Variants in RPGRIP1L observed in about 807,000 individuals in gnomAD.
RPGRIP1L encodes the protein protein fantom.
In RPGRIP1L, 131 loss-of-function variants were observed where a neutral mutation model predicts 160.4. The ratio of observed to expected loss-of-function variants is 0.82; its 90% CI spans 0.71 to 0.94. The LOEUF (loss-of-function observed/expected upper bound fraction) is 0.94. Ranked by LOEUF, RPGRIP1L falls within the 40% of genes least tolerant of loss-of-function variation. RPGRIP1L has a pLI of 0.00. For missense variants in RPGRIP1L, 1,522 were observed against 1,535.8 expected (o/e 0.99, Z 0.15); for synonymous variants, 510 against 515.8 (o/e 0.99, Z 0.15).
chr16:53,614,449 T>C (rs986374520), intron 24 of RPGRIP1L, among the ~76,000 whole-genome samples: 7 of 152,264 alleles, frequency 4.6e-5, no homozygotes, highest in Admixed American at 3.3e-4. Flanking sequence ...AATTCTAACA[T>C]GTTTCCAGTT....
intron 24 of RPGRIP1L, among the ~76,000 whole-genome samples, chr16:53,617,073 C>CAAAAAA (rs397945611): frequency 1.4e-4 from 3 of 21,848 alleles, no homozygotes; most frequent in African/African-American, 3.6e-4. Flanking sequence ...CCTTGCATCA[C>CAAAAAA]AAAAAAAAAA....
At chr16:53,695,847 T>C in intron 3 of RPGRIP1L, 2 of 324,206 alleles carry the variant, frequency 6.2e-6, no homozygotes, top group Non-Finnish European at 1.1e-5. Flanking sequence ...AAACAGATGC[T>C]TTGGCCATTT....
At chr16:53,604,044 T>A (rs111505899) in intron 26 of RPGRIP1L, among the ~76,000 whole-genome samples, 2 of 152,252 alleles carry the variant, frequency 1.3e-5, no homozygotes, top group East Asian at 3.9e-4. Context: ...AAAGCAAAGA[T>A]AATTTTGGTA....
chr16:53,628,691 C>G (rs902307967), intron 22 of RPGRIP1L: 1 of 152,096 alleles, frequency 6.6e-6, no homozygotes, highest in African/African-American at 2.4e-5. Flanking sequence ...AAAAGAAAAC[C>G]ACCCAGTTTT....
intron 4 of RPGRIP1L, 68 bp from the exon 5 acceptor site, chr16:53,688,033 T>C (rs959300472): frequency 1.1e-6 from 1 of 932,912 alleles, no homozygotes; most frequent in Non-Finnish European, 1.8e-6. Context: ...TGATTTGCTA[T>C]AATAAGGATA....
At chr16:53,619,682 G>C (rs957219116) in intron 23 of RPGRIP1L, among the ~76,000 whole-genome samples, 13 of 152,174 alleles carry the variant, frequency 8.5e-5, no homozygotes, top group African/African-American at 2.7e-4. Context: ...GTAGCTATAT[G>C]AATCAATATT....
At chr16:53,681,284 C>T (rs1232713656) in intron 6 of RPGRIP1L, among the ~76,000 whole-genome samples, 1 of 152,074 alleles carries the variant, frequency 6.6e-6, no homozygotes, top group Non-Finnish European at 1.5e-5. Context: ...GGTAAACACC[C>T]TAACATTTAT....
At chr16:53,698,324 G>A (rs1394870908) in intron 2 of RPGRIP1L, among the ~76,000 whole-genome samples, 1 of 143,512 alleles carries the variant, frequency 7.0e-6, no homozygotes, top group Non-Finnish European at 1.5e-5. Context: ...AGGTGGGGGG[G>A]TCAGCCCCCC....
chr16:53,676,096 C>G (rs1461888354), intron 6 of RPGRIP1L, among the ~76,000 whole-genome samples: 3 of 152,076 alleles, frequency 2.0e-5, no homozygotes, highest in Non-Finnish European at 1.5e-5. Flanking sequence ...TAATGCCCTA[C>G]TGGAACCAGA....
chr16:53,630,623 T>C (rs1965459213), intron 22 of RPGRIP1L, among the ~76,000 whole-genome samples: 1 of 152,160 alleles, frequency 6.6e-6, no homozygotes, highest in South Asian at 2.1e-4. Flanking sequence ...AAAATGTTGA[T>C]GGTATATTAG....
chr16:53,608,522 G>A (rs190233772), intron 25 of RPGRIP1L, among the ~76,000 whole-genome samples: 13 of 152,152 alleles, frequency 8.5e-5, no homozygotes, highest in African/African-American at 2.9e-4. Flanking sequence ...CTGTTTGAAG[G>A]CACATTTCAA....
Position 53,648,244 on chromosome 16 carries a change from C to T in RPGRIP1L, c.2304+720G>A, listed in dbSNP as rs78829927. Reference sequence around the variant, plus strand: ...TAATATGAAAATATGGTCATTAAGACTCCATGAAACATTGGGAAATGCCAC... The same window carrying T: ...TAATATGAAAATATGGTCATTAAGATTCCATGAAACATTGGGAAATGCCAC... On this transcript the variant is annotated intron_variant, in intron 16 of 26. Coordinates refer to ENST00000647211, the MANE Select transcript of RPGRIP1L (RefSeq NM_015272.5). Among the ~76,000 whole-genome samples the T allele has an allele frequency of 1.8e-3, 275 of 151,720 alleles. 1 individual carries two copies. The highest frequency in any genetic ancestry group is 6.2e-3 in the African/African-American group (258 of 41,420).
At chr16:53,695,913 C>A in intron 3 of RPGRIP1L, 1 of 454,794 alleles carries the variant, frequency 2.2e-6, no homozygotes, top group Non-Finnish European at 4.0e-6. Context: ...GATATACTAA[C>A]GGCACTCTAT....
rs1297342507 is a variant in RPGRIP1L, at chr16:53,598,771, AG to A, written c.*3304del. On this transcript the variant is annotated 3_prime_UTR_variant, in exon 27 of 27. Transcript: ENST00000647211. ...AGGTAGTCAGAGGCCTTCAGGCATG[AG>A]TGACTTATTAAAATGTACTCTGATA... The A allele has an allele frequency of 2.0e-5, 3 of 152,316 alleles. No individual in the cohort carries two copies. The highest frequency in any genetic ancestry group is 2.0e-4 in the Admixed American group (3 of 15,290). 9.4% of individuals were successfully genotyped at this position (152,316 alleles called of 1,614,324 possible).
chr16:53,696,372 C>G, intron 2 of RPGRIP1L, 77 bp from the exon 3 acceptor site: 1 of 1,442,472 alleles, frequency 6.9e-7, no homozygotes, highest in Non-Finnish European at 9.7e-7. Flanking sequence ...AATATAATCT[C>G]TGATGCACTC....
chr16:53,665,044 G>A (rs1384692893), intron 9 of RPGRIP1L, 35 bp from the exon 10 acceptor site: 5 of 1,612,122 alleles, frequency 3.1e-6, no homozygotes, highest in South Asian at 1.1e-5. Flanking sequence ...GGAAAGCTTG[G>A]AAATCAGCTT....
In RPGRIP1L at chr16:53,600,286, G is replaced by C. The variant is rs1480564544; in HGVS notation, c.*1790C>G. 1 of 152,516 alleles carries C rather than the reference G, an allele frequency of 6.6e-6. No homozygotes were observed. Among genetic ancestry groups the C allele is most frequent in the Non-Finnish European group, 1.5e-5 (1 of 68,030 alleles). The allele number at this position is 152,516 out of a possible 1,614,324, so 9.4% of individuals were successfully genotyped here. On this transcript the variant is annotated 3_prime_UTR_variant, in exon 27 of 27. Coordinates refer to ENST00000647211, the MANE Select transcript of RPGRIP1L (RefSeq NM_015272.5). ...AAAGCCAAAGAAAGCTAGAAAAAGGGGCCAAAAAAATGAGCTCAGAGCCAG... is the reference window on the plus strand; with the variant it reads ...AAAGCCAAAGAAAGCTAGAAAAAGGCGCCAAAAAAATGAGCTCAGAGCCAG...
At chr16:53,667,093 T>C (rs1392648165) in intron 9 of RPGRIP1L, among the ~76,000 whole-genome samples, 1 of 152,208 alleles carries the variant, frequency 6.6e-6, no homozygotes, top group Admixed American at 6.5e-5. Context: ...GAGAACTTTT[T>C]ATTCATGAAA....
At chr16:53,612,129 AGGCGGGAGAGACATAAAGGT>A (rs550916197) in intron 24 of RPGRIP1L, among the ~76,000 whole-genome samples, 1 of 152,272 alleles carries the variant, frequency 6.6e-6, no homozygotes, top group East Asian at 1.9e-4. Context: ...AGTAGGCACA[AGGCGGGAGAGACATAAAGGT>A]GGCGGGAGAG....
Sources: allele counts gnomAD v4.1 joint callset (sites outside exome capture counted in the v4.1 genomes callset), GRCh38; gene constraint gnomAD v4.1.1; transcripts MANE v1.5; gene names NCBI Gene and HGNC (gene_info 2026-07-23, HGNC 2026-07-21).